BRD8: variants seen among roughly 807,000 people sequenced by gnomAD.
BRD8 encodes bromodomain-containing protein 8.
Under a neutral mutation model 143.1 loss-of-function variants are expected in BRD8, and 67 were observed. The ratio of observed to expected loss-of-function variants is 0.47; its 90% CI spans 0.38 to 0.57. The LOEUF is 0.57. Ranked by LOEUF, BRD8 falls within the 20% of genes least tolerant of loss-of-function variation. BRD8 has a pLI of 0.00. For missense variants in BRD8, 1,103 were observed against 1,503.0 expected (o/e 0.73, Z 4.40); for synonymous variants, 505 against 517.1 (o/e 0.98, Z 0.32).
chr5:138,161,585 C>T (rs1271806595), intron 17 of BRD8, among the ~76,000 whole-genome samples: 2 of 152,220 alleles, frequency 1.3e-5, no homozygotes, highest in Non-Finnish European at 2.9e-5. Flanking sequence ...CCAAAGATTA[C>T]AGGCGTGAGC....
intron 23 of BRD8, among the ~76,000 whole-genome samples, chr5:138,147,346 T>C (rs986510892): frequency 3.3e-5 from 5 of 150,742 alleles, no homozygotes; most frequent in African/African-American, 2.4e-5. Flanking sequence ...ATGGTTCAGC[T>C]GTATATCTTA....
In BRD8 at chr5:138,162,071, T is replaced by C. The variant is rs908670858; in HGVS notation, c.2163A>G (p.Arg721=). ...IWKKAIMLVW[R]AAANHRYANV... ...CCACTCACCTATGATTAGCTGCAGC[T>C]CTCCATACAAGCATGATGGCTTTCT... The change falls in exon 16 of 27, where the codon AGA becomes AGG. Residue 721 remains arginine, a synonymous_variant. Transcript: ENST00000254900. 6.2e-6 allele frequency: 10 copies of C among 1,613,672 alleles called. No homozygotes were observed. Among genetic ancestry groups the C allele is most frequent in the Admixed American group, 5.0e-5 (3 of 59,934 alleles).
At chr5:138,141,554 T>C (rs542702999) in intron 25 of BRD8, among the ~76,000 whole-genome samples, 131 of 152,346 alleles carry the variant, frequency 8.6e-4, no homozygotes, top group African/African-American at 3.1e-3. Context: ...GTCAAGCCAC[T>C]ATATTCTACT....
At chr5:138,166,843 C>T (rs1561614428) in intron 9 of BRD8, 116 bp from the exon 10 acceptor site, 11 of 691,252 alleles carry the variant, frequency 1.6e-5, no homozygotes, top group Non-Finnish European at 2.6e-5. Flanking sequence ...ATGAGAGCAA[C>T]TCCTGCATTG....
chr5:138,164,217 T>C, intron 13 of BRD8, 84 bp from the exon 14 acceptor site: 1 of 1,578,950 alleles, frequency 6.3e-7, no homozygotes, highest in Non-Finnish European at 8.7e-7. Context: ...GCAGCTCTCC[T>C]TTACATGCTG....
rs138898785 is a variant in BRD8, at chr5:138,166,573, C to T, written c.942G>A (p.Ala314=). 6.4e-5 allele frequency: 103 copies of T among 1,613,780 alleles called. No homozygotes were observed. The African/African-American group carries it at 1.1e-3, about 17-fold the overall frequency. ...CCGGAGCAGAGGATGGTGCTGGCAG[C>T]GCAGGCATCATGACAATGGTAGCTT... The part of the protein sequence containing the change: ...VSQATIVMMP[A]LPAPSSAPAV... Residue 314 remains alanine, a synonymous_variant, in exon 10 of 27, where the codon GCG becomes GCA. Coordinates refer to ENST00000254900, the MANE Select transcript of BRD8 (RefSeq NM_139199.2).
At chr5:138,164,182 C>A in intron 13 of BRD8, 49 bp from the exon 14 acceptor site, 1 of 1,600,082 alleles carries the variant, frequency 6.2e-7, no homozygotes, top group Non-Finnish European at 8.6e-7. Flanking sequence ...CTTAGCCTTC[C>A]CCTTCCTATG....
intron 2 of BRD8, among the ~76,000 whole-genome samples, chr5:138,174,156 T>TTGTGTGTGTGTGTGTGTG (rs56254005): frequency 6.7e-6 from 1 of 149,494 alleles, no homozygotes. Context: ...CAGTATTCCA[T>TTGTGTGTGTGTGTGTGTG]TGTGTGTGTG....
intron 19 of BRD8, 135 bp from the exon 20 acceptor site, chr5:138,159,734 GA>G (rs1019012973): frequency 1.2e-6 from 1 of 819,596 alleles, no homozygotes; most frequent in African/African-American, 1.7e-5. Flanking sequence ...AGAGGAAAGA[GA>G]TCCAAAAGCA....
chr5:138,172,753 G>A, intron 2 of BRD8: 1 of 437,612 alleles, frequency 2.3e-6, no homozygotes, highest in Non-Finnish European at 4.6e-6. Context: ...TTGGGCAGCT[G>A]AGGTAGGAGG....
intron 17 of BRD8, among the ~76,000 whole-genome samples, chr5:138,161,584 A>C (rs1198755754): frequency 1.3e-5 from 2 of 152,200 alleles, no homozygotes; most frequent in African/African-American, 4.8e-5. Flanking sequence ...CCCAAAGATT[A>C]CAGGCGTGAG....
intron 11 of BRD8, 100 bp downstream of exon 11, chr5:138,165,725 CCAA>C: frequency 8.7e-7 from 1 of 1,154,042 alleles, no homozygotes; most frequent in Non-Finnish European, 1.2e-6. Context: ...GACTCTGTCT[CCAA>C]AAAAAAAAAA....
intron 2 of BRD8, chr5:138,177,152 CCGAGGCGGACAG>C (rs1754411010): frequency 6.6e-6 from 1 of 152,634 alleles, no homozygotes; most frequent in Non-Finnish European, 1.5e-5. Flanking sequence ...CTTTGGGAGG[CCGAGGCGGACAG>C]ATCATGAGGT....
At chr5:138,155,719 G>A (rs1165070829) in intron 20 of BRD8, among the ~76,000 whole-genome samples, 2 of 151,854 alleles carry the variant, frequency 1.3e-5, no homozygotes, top group Non-Finnish European at 2.9e-5. Context: ...TAGAGACAAG[G>A]TCTTGCTATG....
rs1012343518 is a variant in BRD8, at chr5:138,167,800, T to C, written c.787+134A>G. 1.6e-5 allele frequency: 12 copies of C among 732,238 alleles called. No individual in the cohort carries two copies. The African/African-American group carries it at 2.1e-4, about 13-fold the overall frequency. The allele number at this position is 732,238 out of a possible 1,614,324, so 45.4% of individuals were successfully genotyped here. On this transcript the variant is annotated intron_variant, in intron 9 of 26. Coordinates refer to ENST00000254900, the MANE Select transcript of BRD8 (RefSeq NM_139199.2). Reference sequence around the variant, plus strand: ...AGACTACATTGTTTACCAGGTAAAGTAGCTCCAAAAAAAAGTTAGAAAAAG... The same window carrying C: ...AGACTACATTGTTTACCAGGTAAAGCAGCTCCAAAAAAAAGTTAGAAAAAG...
chr5:138,163,597 G>A (rs1753174118), intron 14 of BRD8: 2 of 1,443,204 alleles, frequency 1.4e-6, no homozygotes, highest in Non-Finnish European at 1.8e-6. Context: ...TTAAGACTAA[G>A]CTAAGAGGCG....
At chr5:138,172,727 C>A in intron 2 of BRD8, 1 of 411,400 alleles carries the variant, frequency 2.4e-6, no homozygotes, top group Non-Finnish European at 4.7e-6. Context: ...TACCTGCGGC[C>A]TGTGGTCCCA....
intron 20 of BRD8, among the ~76,000 whole-genome samples, chr5:138,156,179 G>C (rs1447753700): frequency 7.0e-6 from 1 of 143,302 alleles, no homozygotes; most frequent in African/African-American, 2.6e-5. Flanking sequence ...TTGCTCTGTT[G>C]CCCAGGCTGG....
intron 25 of BRD8, among the ~76,000 whole-genome samples, chr5:138,144,226 C>G (rs1752042990): frequency 6.6e-6 from 1 of 152,070 alleles, no homozygotes; most frequent in African/African-American, 2.4e-5. Context: ...ACTCCAGAGG[C>G]GCCACCTTTA....
Sources: gnomAD v4.1 joint callset for allele counts (sites outside exome capture counted in the v4.1 genomes callset) on GRCh38, gnomAD v4.1.1 for gene constraint, MANE v1.5 for transcripts, NCBI Gene and HGNC (gene_info 2026-07-23, HGNC 2026-07-21) for gene names.